The following CACNG8 variants were observed in gnomAD, a reference collection of about 807,000 sequenced individuals.
The protein encoded by CACNG8 is calcium voltage-gated channel auxiliary subunit gamma 8.
A neutral mutation model predicts 26.9 loss-of-function variants in CACNG8; 5 were observed. The ratio of observed to expected loss-of-function variants is 0.19; its 90% CI spans 0.10 to 0.39. The LOEUF (loss-of-function observed/expected upper bound fraction) is 0.39, where lower values mean the gene tolerates loss of function less well. CACNG8 is among the 10% of genes least tolerant of loss of function. The pLI is 1.00. For missense variants in CACNG8, 473 were observed against 609.4 expected, an observed-to-expected ratio of 0.78 and a Z score of 2.36; for synonymous variants, 321 against 296.7, an observed-to-expected ratio of 1.08 and a Z score of -0.84.
intron 1 of CACNG8, among the ~76,000 whole-genome samples, chr19:53,976,361 T>C (rs2069330335): frequency 6.6e-6 from 1 of 151,562 alleles, no homozygotes; most frequent in Non-Finnish European, 1.5e-5. Flanking sequence ...TCTCAAAGAA[T>C]AAAAAAAATG....
intron 3 of CACNG8, among the ~76,000 whole-genome samples, chr19:53,980,382 G>A (rs559540088): frequency 9.5e-4 from 144 of 152,192 alleles, no homozygotes; most frequent in Non-Finnish European, 1.6e-3. Context: ...AGGATAGAGA[G>A]GCGGGGCTGG....
At chr19:53,970,749 A>G (rs576636178) in intron 1 of CACNG8, among the ~76,000 whole-genome samples, 18 of 151,866 alleles carry the variant, frequency 1.2e-4, no homozygotes, top group African/African-American at 4.4e-4. Flanking sequence ...CCTGGGCAAC[A>G]TAGGGAGACC....
intron 3 of CACNG8, among the ~76,000 whole-genome samples, chr19:53,980,967 A>G (rs1245547751): frequency 1.3e-5 from 2 of 151,868 alleles, no homozygotes; most frequent in Non-Finnish European, 2.9e-5. Context: ...AGGATCTGAA[A>G]GGCCGGAGTA....
At chr19:53,975,786 A>G (rs1000781773) in intron 1 of CACNG8, among the ~76,000 whole-genome samples, 1 of 152,228 alleles carries the variant, frequency 6.6e-6, no homozygotes, top group African/African-American at 2.4e-5. Flanking sequence ...GCTCACATTC[A>G]TGATGTGTGT....
chr19:53,969,451 G>C (rs1196376646), intron 1 of CACNG8, among the ~76,000 whole-genome samples: 1 of 149,600 alleles, frequency 6.7e-6, no homozygotes, highest in Non-Finnish European at 1.5e-5. Context: ...TTAGAGATGG[G>C]TCTCACCACA....
chr19:53,980,041 C>A (rs752467562), intron 3 of CACNG8, 34 bp downstream of exon 3: 22 of 1,570,166 alleles, frequency 1.4e-5, no homozygotes, highest in Non-Finnish European at 1.9e-5. Context: ...ACCGGGGCGG[C>A]CCACCTGGGC....
rs1411709857 is a variant in CACNG8 at position 53,982,306 on chromosome 19, C to T, written c.735C>T (p.Ala245=). The T allele has an allele frequency of 1.9e-6, 3 of 1,600,278 alleles. No individual in the cohort carries two copies. The highest frequency in any genetic ancestry group is 2.3e-5 in the East Asian group (1 of 43,910). Residue 245 remains alanine (A), a synonymous_variant, in exon 4 of 4, where the codon GCC becomes GCT. Coordinates refer to ENST00000270458, the MANE Select transcript of CACNG8 (RefSeq NM_031895.6). This position sits in a 1 kb window ranked among gnomAD's most constrained non-coding sequence, Gnocchi z 8.4. Reference sequence around the variant, plus strand: ...AGTCTCGCTCGGACCTGCTCAAGGCCGGCGGGGGCGCGGGCGGCAGTGGCG... The same window carrying T: ...AGTCTCGCTCGGACCTGCTCAAGGCTGGCGGGGGCGCGGGCGGCAGTGGCG...
chr19:53,982,915 G>A lies in CACNG8; in HGVS notation c.*66G>A. The A allele has an allele frequency of 8.9e-7, 1 of 1,123,646 alleles. No homozygotes were observed. The highest frequency in any genetic ancestry group is 1.1e-6 in the Non-Finnish European group (1 of 902,754). 69.6% of individuals were successfully genotyped at this position (1,123,646 alleles called of 1,614,324 possible). A position where few individuals can be genotyped will look rare whatever the true frequency, so the allele number is the denominator to read the frequency against. On this transcript the variant is annotated 3_prime_UTR_variant, in exon 4 of 4. Coordinates refer to ENST00000270458, the MANE Select transcript of CACNG8 (RefSeq NM_031895.6). This position sits in a 1 kb window ranked among gnomAD's most constrained non-coding sequence, Gnocchi z 8.4. The stretch of plus-strand genomic sequence containing the variant: ...GCGCGGGCGCGCGTGCATCGAGGCT[G>A]CCGGGGTCGGGGGCGCCCCCGCTTT...
chr19:53,966,857 C>T (rs568350472), intron 1 of CACNG8, among the ~76,000 whole-genome samples: 4 of 152,226 alleles, frequency 2.6e-5, no homozygotes, highest in African/African-American at 4.8e-5. Context: ...AATGAGACAA[C>T]GAGAGGCTCA....
intron 1 of CACNG8, among the ~76,000 whole-genome samples, chr19:53,969,032 C>A (rs978298837): frequency 3.3e-5 from 5 of 152,086 alleles, no homozygotes; most frequent in African/African-American, 1.2e-4. Context: ...GAGACAGATT[C>A]TTGCTCTGTC....
At chr19:53,979,646 C>T (rs1160660317) in intron 2 of CACNG8, among the ~76,000 whole-genome samples, 1 of 151,498 alleles carries the variant, frequency 6.6e-6, no homozygotes, top group Non-Finnish European at 1.5e-5. Flanking sequence ...AAGAAAAGGA[C>T]AAAGAAAAAG....
intron 1 of CACNG8, among the ~76,000 whole-genome samples, chr19:53,963,984 G>A (rs1035058213): frequency 2.6e-5 from 4 of 151,436 alleles, no homozygotes; most frequent in African/African-American, 9.7e-5. Context: ...TTTATTATTT[G>A]TAGAGATGAG....
intron 3 of CACNG8, among the ~76,000 whole-genome samples, chr19:53,981,859 G>C (rs963489221): frequency 2.0e-5 from 3 of 152,170 alleles, no homozygotes; most frequent in African/African-American, 7.2e-5. Flanking sequence ...GCTTAGACCA[G>C]CAGGGAAGCG....
rs137915042 is a variant in CACNG8 at position 53,979,961 on chromosome 19, C to A, written c.462C>A (p.Ser154=). 648 of 1,612,782 alleles carry A rather than the reference C, an allele frequency of 4.0e-4. 1 individual carries two copies. The highest frequency in any genetic ancestry group is 1.2e-4 in the Non-Finnish European group (140 of 1,179,452). The change falls in exon 3 of 4, where the codon TCC becomes TCA. Residue 154 remains serine (S), a synonymous_variant. Transcript: ENST00000270458. The stretch of plus-strand genomic sequence containing the variant: ...TGGCGGCCTCCCGCGTCTACAAGTC[C>A]AAGAGGAACATCATTCTGGGCGCAG...
At chr19:53,965,803 G>A (rs1324932527) in intron 1 of CACNG8, among the ~76,000 whole-genome samples, 2 of 151,980 alleles carry the variant, frequency 1.3e-5, no homozygotes, top group Admixed American at 6.6e-5. Context: ...GAGGGGTCAG[G>A]GATCCCCGTG....
chr19:53,978,107 A>C, intron 1 of CACNG8, 39 bp from the exon 2 acceptor site: 3 of 1,240,710 alleles, frequency 2.4e-6, no homozygotes, highest in South Asian at 1.2e-5. Context: ...CCCAACCCTG[A>C]AGTATCCGCC....
At position 53,978,209 on chromosome 19, in the gene CACNG8, A is replaced by G. The variant is rs780886214; in HGVS notation, c.347A>G (p.Asp116Gly). ...CCGGAGGACACGGACTACGACCACG[A>G]CAGCGCGGAGTATCTACTCCGTACG... Residue 116 changes from aspartate to glycine, a missense_variant, in exon 2 of 4, where the codon GAC (aspartate) becomes GGC (glycine). By Grantham distance (94) the Asp-to-Gly change is moderately conservative. Transcript: ENST00000270458. 2 of 1,612,912 alleles carry G rather than the reference A, an allele frequency of 1.2e-6. No homozygotes were observed. Among genetic ancestry groups the G allele is most frequent in the South Asian group, 1.1e-5 (1 of 90,974 alleles).
At chr19:53,975,058 C>A (rs1327486166) in intron 1 of CACNG8, among the ~76,000 whole-genome samples, 1 of 151,698 alleles carries the variant, frequency 6.6e-6, no homozygotes, top group Non-Finnish European at 1.5e-5. Flanking sequence ...AAGTGATTCT[C>A]CTGCCTCAGC....
At chr19:53,972,408 C>G (rs1234745892) in intron 1 of CACNG8, among the ~76,000 whole-genome samples, 1 of 135,216 alleles carries the variant, frequency 7.4e-6, no homozygotes, top group Non-Finnish European at 1.5e-5. Context: ...GTCGCCCAGG[C>G]TGGAGTGCAA....
Sources: gnomAD v4.1 joint callset for allele counts (sites outside exome capture counted in the v4.1 genomes callset) on GRCh38, gnomAD v4.1.1 for gene constraint, Gnocchi (gnomAD v3.1) non-coding constraint, MANE v1.5 for transcripts, NCBI Gene and HGNC (gene_info 2026-07-23, HGNC 2026-07-21) for gene names.